The following TMEM200A variants were observed in gnomAD, a reference collection of about 807,000 sequenced individuals.
The protein encoded by TMEM200A is two transmembrane C.
TMEM200A carries 12 observed loss-of-function variants against 24.3 expected under a neutral mutation model. That is an observed-to-expected ratio of 0.49 (90% CI 0.32 to 0.80). TMEM200A has a LOEUF of 0.80. TMEM200A is among the 30% of genes least tolerant of loss of function. TMEM200A has a pLI of 0.04. For synonymous variants in TMEM200A, 224 were observed against 224.4 expected (o/e 1.00, Z 0.02); for missense variants, 545 against 614.4 (o/e 0.89, Z 1.19).
chr6:130,381,749 A>C (rs1778603169), intron 1 of TMEM200A: 1 of 191,314 alleles, frequency 5.2e-6, no homozygotes, highest in Admixed American at 6.5e-5. Context: ...ACAAATTAAA[A>C]GTTTATGGAA....
intron 2 of TMEM200A, among the ~76,000 whole-genome samples, chr6:130,423,122 A>G (rs972158241): frequency 2.6e-5 from 4 of 152,194 alleles, no homozygotes; most frequent in African/African-American, 9.7e-5. Context: ...GATGAGGAAA[A>G]TTAAAATTAT....
intron 2 of TMEM200A, among the ~76,000 whole-genome samples, chr6:130,418,918 C>T (rs1229710157): frequency 2.6e-5 from 4 of 152,118 alleles, no homozygotes; most frequent in Non-Finnish European, 4.4e-5. Flanking sequence ...GTATTGGGAA[C>T]ATATCGAGTC....
At chr6:130,398,152 G>A (rs967131951) in intron 2 of TMEM200A, among the ~76,000 whole-genome samples, 12 of 151,980 alleles carry the variant, frequency 7.9e-5, no homozygotes, top group African/African-American at 2.2e-4. Flanking sequence ...AGTCCCCGGT[G>A]CCTGTTGTTC....
chr6:130,433,665 T>C (rs1361483130), intron 2 of TMEM200A, among the ~76,000 whole-genome samples: 1 of 152,240 alleles, frequency 6.6e-6, no homozygotes. Context: ...TTTTATATAA[T>C]GTTTTTGTTT....
intron 2 of TMEM200A, among the ~76,000 whole-genome samples, chr6:130,436,035 G>A (rs1010790239): frequency 6.6e-6 from 1 of 152,192 alleles, no homozygotes; most frequent in African/African-American, 2.4e-5. Context: ...TTTAAAGGCA[G>A]AGCAGCATTC....
chr6:130,392,208 T>G (rs1375313622), intron 2 of TMEM200A, among the ~76,000 whole-genome samples: 1 of 152,210 alleles, frequency 6.6e-6, no homozygotes, highest in Non-Finnish European at 1.5e-5. Context: ...TCAAATTAGG[T>G]GATGCATGTA....
At chr6:130,395,901 G>A (rs1051474959) in intron 2 of TMEM200A, among the ~76,000 whole-genome samples, 7 of 152,290 alleles carry the variant, frequency 4.6e-5, no homozygotes, top group Non-Finnish European at 8.8e-5. Context: ...AAGAGGGCTT[G>A]GCTATCCAGT....
chr6:130,434,061 C>G (rs938052258), intron 2 of TMEM200A, among the ~76,000 whole-genome samples: 1 of 152,164 alleles, frequency 6.6e-6, no homozygotes, highest in Admixed American at 6.5e-5. Context: ...CTACTGTTTT[C>G]CTACTGGACT....
intron 1 of TMEM200A, among the ~76,000 whole-genome samples, chr6:130,381,706 A>G (rs1277488871): frequency 6.6e-6 from 1 of 152,180 alleles, no homozygotes; most frequent in East Asian, 1.9e-4. Flanking sequence ...ATGGGAGGCT[A>G]CCTCTTTGTT....
chr6:130,371,453 A>T (rs1311698698), intron 1 of TMEM200A, among the ~76,000 whole-genome samples: 3 of 152,186 alleles, frequency 2.0e-5, no homozygotes, highest in Non-Finnish European at 4.4e-5. Flanking sequence ...TTTAACCACT[A>T]TGCAAAACTA....
chr6:130,393,491 C>A (rs1778883655), intron 2 of TMEM200A, among the ~76,000 whole-genome samples: 1 of 151,882 alleles, frequency 6.6e-6, no homozygotes, highest in South Asian at 2.1e-4. Context: ...AGACGTGTTA[C>A]ATCAGTTTTA....
At chr6:130,417,466 A>G (rs1779483975) in intron 2 of TMEM200A, among the ~76,000 whole-genome samples, 1 of 152,206 alleles carries the variant, frequency 6.6e-6, no homozygotes, top group South Asian at 2.1e-4. Context: ...TATAGAAAGA[A>G]TCTTTTAGGT....
At chr6:130,438,785 T>TA (rs1275396306) in intron 2 of TMEM200A, 1 of 152,236 alleles carries the variant, frequency 6.6e-6, no homozygotes, top group Non-Finnish European at 1.5e-5. Flanking sequence ...TGTGATACTA[T>TA]AATATTGTAA....
rs1317581713 is a variant in TMEM200A at position 130,441,656 on chromosome 6, G to C, written c.1234G>C (p.Glu412Gln). The part of the protein sequence containing the change: ...RGPSTLTVQA[E>Q]QRKHPSWPRL... ...TCCCTCCACTCTAACTGTTCAGGCA[G>C]AACAACGGAAACATCCAAGTTGGCC... Residue 412 changes from glutamate (E) to glutamine (Q), a missense_variant, in exon 3 of 3, where the codon GAA becomes CAA. Physicochemically the swap from Glu to Gln is conservative, Grantham distance 29 (BLOSUM62 2). Coordinates refer to ENST00000296978, the MANE Select transcript of TMEM200A (RefSeq NM_001258277.2). The C allele has an allele frequency of 7.4e-6, 12 of 1,614,052 alleles. No homozygotes were observed. Among genetic ancestry groups the C allele is most frequent in the Non-Finnish European group, 9.3e-6 (11 of 1,180,010 alleles).
At chr6:130,375,642 A>C (rs916377343) in intron 1 of TMEM200A, among the ~76,000 whole-genome samples, 11 of 152,218 alleles carry the variant, frequency 7.2e-5, no homozygotes, top group African/African-American at 2.7e-4. Context: ...ACCTCTCTGC[A>C]TTTGAGGCAT....
chr6:130,367,416 C>T (rs1049101611), intron 1 of TMEM200A, among the ~76,000 whole-genome samples: 3 of 152,152 alleles, frequency 2.0e-5, no homozygotes, highest in South Asian at 2.1e-4. Flanking sequence ...ATTGAACTCT[C>T]GGTTTTGCAA....
At chr6:130,410,907 G>A (rs1311606458) in intron 2 of TMEM200A, among the ~76,000 whole-genome samples, 1 of 152,180 alleles carries the variant, frequency 6.6e-6, no homozygotes. Flanking sequence ...AGTGGCTCAC[G>A]CCTATAATCC....
At chr6:130,397,680 T>C (rs1778982958) in intron 2 of TMEM200A, among the ~76,000 whole-genome samples, 1 of 152,004 alleles carries the variant, frequency 6.6e-6, no homozygotes, top group South Asian at 2.1e-4. Context: ...TTAGTATGTG[T>C]GGTTTTATTA....
At chr6:130,383,979 G>A (rs1778658639) in intron 1 of TMEM200A, among the ~76,000 whole-genome samples, 1 of 152,118 alleles carries the variant, frequency 6.6e-6, no homozygotes, top group Non-Finnish European at 1.5e-5. Flanking sequence ...AATTAGCCAG[G>A]TGTGGTGGTG....
Sources: gnomAD v4.1 joint callset for allele counts (sites outside exome capture counted in the v4.1 genomes callset) on GRCh38, gnomAD v4.1.1 for gene constraint, MANE v1.5 for transcripts, NCBI Gene and HGNC (gene_info 2026-07-23, HGNC 2026-07-21) for gene names.